Variants in SLC15A5 observed in about 807,000 individuals in gnomAD.
SLC15A5 encodes the protein solute carrier family 15 member 5.
Under a neutral mutation model 56.1 loss-of-function variants are expected in SLC15A5, and 58 were observed. That is an observed-to-expected ratio of 1.03 (90% CI 0.84 to 1.29). The LOEUF (loss-of-function observed/expected upper bound fraction) is 1.29, where lower values mean the gene tolerates loss of function less well. Among genes scored for constraint, SLC15A5 ranks in the 50% most tolerant of loss-of-function variants. SLC15A5 has a pLI of 0.00. For missense variants in SLC15A5, 681 were observed against 672.1 expected (o/e 1.01, Z -0.15); for synonymous variants, 264 against 250.5 (o/e 1.05, Z -0.51).
At chr12:16,222,982 G>A (rs1289099394) in intron 6 of SLC15A5, among the ~76,000 whole-genome samples, 1 of 151,968 alleles carries the variant, frequency 6.6e-6, no homozygotes, top group Non-Finnish European at 1.5e-5. Flanking sequence ...ATCTCATAAA[G>A]TAATTTATGT....
rs1864718500 is a variant in SLC15A5, at chr12:16,268,599, TTCTC to T, written c.584+3958_584+3961del. Among the ~76,000 whole-genome samples, 7 of 152,354 alleles carry T rather than the reference TTCTC, an allele frequency of 4.6e-5. No individual in the cohort carries two copies. The South Asian group carries it at 1.5e-3, about 32-fold the overall frequency. On this transcript the variant is annotated intron_variant, in intron 2 of 8. Transcript: ENST00000344941. Reference sequence around the variant, plus strand: ...AGAGTATATGTAGATTTATATTTTTTTCTCTCTCTTTTCAGAATTATGTTGAATT... The same window carrying T: ...AGAGTATATGTAGATTTATATTTTTTTCTCTTTTCAGAATTATGTTGAATT...
chr12:16,217,394 A>G (rs1864140907), intron 6 of SLC15A5, among the ~76,000 whole-genome samples: 1 of 152,130 alleles, frequency 6.6e-6, no homozygotes, highest in Non-Finnish European at 1.5e-5. Flanking sequence ...GATTCTGTGT[A>G]ATTCATTAAG....
At chr12:16,224,684 A>G in intron 5 of SLC15A5, 82 bp from the exon 6 acceptor site, 1 of 1,283,310 alleles carries the variant, frequency 7.8e-7, no homozygotes, top group Non-Finnish European at 1.0e-6. Flanking sequence ...TTTCTTACCC[A>G]TTGACATTAG....
chr12:16,253,651 C>G (rs973686766), intron 3 of SLC15A5, among the ~76,000 whole-genome samples: 2 of 151,876 alleles, frequency 1.3e-5, no homozygotes, highest in Admixed American at 1.3e-4. Context: ...TGGGAAAATC[C>G]TTTGAGCTCA....
rs59004314 is a variant in SLC15A5 at position 16,277,129 on chromosome 12, AAC to A, written c.361+194_361+195del. 1.9e-3 allele frequency among the ~76,000 whole-genome samples: 291 copies of A among 150,252 alleles called. 1 individual carries two copies. Among genetic ancestry groups the A allele is most frequent in the African/African-American group, 6.6e-3 (273 of 41,072 alleles). Reference sequence around the variant, plus strand: ...ATGATATAGGCACAAAACATTCTCTAACACACACACACACACACACAGACTTA... The same window carrying A: ...ATGATATAGGCACAAAACATTCTCTAACACACACACACACACACAGACTTA... On this transcript the variant is annotated intron_variant, in intron 1 of 8. Transcript: ENST00000344941.
At chr12:16,218,554 C>G (rs1393519042) in intron 6 of SLC15A5, among the ~76,000 whole-genome samples, 1 of 152,154 alleles carries the variant, frequency 6.6e-6, no homozygotes, top group South Asian at 2.1e-4. Context: ...GCCCATCACT[C>G]CTAGGCAACG....
At chr12:16,276,235 G>A (rs1353292482) in intron 1 of SLC15A5, among the ~76,000 whole-genome samples, 1 of 151,910 alleles carries the variant, frequency 6.6e-6, no homozygotes, top group Non-Finnish European at 1.5e-5. Context: ...AAACTCCAAT[G>A]GATTCTCTGA....
chr12:16,193,707 G>C (rs1339998306), intron 8 of SLC15A5, among the ~76,000 whole-genome samples: 1 of 150,766 alleles, frequency 6.6e-6, no homozygotes, highest in Non-Finnish European at 1.5e-5. Context: ...TATTTTACAT[G>C]TGTAAAAACA....
intron 6 of SLC15A5, among the ~76,000 whole-genome samples, chr12:16,219,222 A>G (rs1327806345): frequency 6.6e-6 from 1 of 152,180 alleles, no homozygotes; most frequent in Non-Finnish European, 1.5e-5. Context: ...TAATGGTGAT[A>G]GGTAAAATAC....
At chr12:16,225,216 G>A (rs1220319640) in intron 5 of SLC15A5, among the ~76,000 whole-genome samples, 1 of 152,194 alleles carries the variant, frequency 6.6e-6, no homozygotes, top group Non-Finnish European at 1.5e-5. Context: ...ATAGCAGCAT[G>A]ATTTATATTC....
intron 2 of SLC15A5, among the ~76,000 whole-genome samples, chr12:16,260,928 CT>C (rs1864637454): frequency 6.6e-6 from 1 of 152,048 alleles, no homozygotes; most frequent in East Asian, 1.9e-4. Context: ...TCTTTTGACA[CT>C]TTTGTTGAAA....
chr12:16,263,817 A>T (rs527440472), intron 2 of SLC15A5, among the ~76,000 whole-genome samples: 1 of 152,142 alleles, frequency 6.6e-6, no homozygotes, highest in Non-Finnish European at 1.5e-5. Context: ...GGCAGCTTCC[A>T]TGTGTTGTTG....
chr12:16,244,350 T>G (rs1271424894), intron 4 of SLC15A5, among the ~76,000 whole-genome samples: 1 of 152,166 alleles, frequency 6.6e-6, no homozygotes, highest in African/African-American at 2.4e-5. Context: ...CTGACAGACA[T>G]TTATAGCTCC....
chr12:16,261,742 A>G (rs61916968), intron 2 of SLC15A5, among the ~76,000 whole-genome samples: 4,192 of 152,282 alleles, frequency 0.028, 79 homozygotes, highest in Admixed American at 0.04. Context: ...AACTTGGTAT[A>G]CTACATGTGT....
At chr12:16,253,869 A>C (rs1353241200) in intron 3 of SLC15A5, among the ~76,000 whole-genome samples, 1 of 152,112 alleles carries the variant, frequency 6.6e-6, no homozygotes, top group African/African-American at 2.4e-5. Context: ...GAAAGCAGTA[A>C]AAAGAGTTCT....
chr12:16,257,741 A>G lies in SLC15A5; in HGVS notation c.714T>C (p.Leu238=). 1 of 1,523,496 alleles carries G rather than the reference A, an allele frequency of 6.6e-7. No individual in the cohort carries two copies. The highest frequency in any genetic ancestry group is 8.8e-7 in the Non-Finnish European group (1 of 1,142,558). 94.4% of individuals were successfully genotyped at this position (1,523,496 alleles called of 1,614,324 possible). A position where few individuals can be genotyped will look rare whatever the true frequency, so the allele number is the denominator to read the frequency against. ...FMSMLMAVIT[L]HMIYYNLIYQ... Reference sequence around the variant, plus strand: ...AAATTAGGTTGTAGTATATCATATGAAGAGTTATCACAGCCATAAGCATAG... The same window carrying G: ...AAATTAGGTTGTAGTATATCATATGGAGAGTTATCACAGCCATAAGCATAG... Residue 238 remains leucine, a synonymous_variant, in exon 3 of 9, where the codon CTT becomes CTC. Coordinates refer to ENST00000344941, the MANE Select transcript of SLC15A5 (RefSeq NM_001170798.1).
At chr12:16,260,884 C>T (rs1864637189) in intron 2 of SLC15A5, among the ~76,000 whole-genome samples, 1 of 151,760 alleles carries the variant, frequency 6.6e-6, no homozygotes, top group African/African-American at 2.4e-5. Flanking sequence ...TATTACAATA[C>T]CATTTATTGA....
intron 2 of SLC15A5, among the ~76,000 whole-genome samples, chr12:16,262,818 G>T (rs1864656108): frequency 6.6e-6 from 1 of 152,096 alleles, no homozygotes; most frequent in African/African-American, 2.4e-5. Flanking sequence ...TTAAAAATGG[G>T]AGTTTCTCTG....
intron 7 of SLC15A5, among the ~76,000 whole-genome samples, chr12:16,206,996 A>G (rs921009741): frequency 5.3e-5 from 8 of 152,196 alleles, no homozygotes; most frequent in Admixed American, 5.2e-4. Context: ...TATCATGGAA[A>G]TGAGTTTTAG....
Sources: allele counts gnomAD v4.1 joint callset (sites outside exome capture counted in the v4.1 genomes callset), GRCh38; gene constraint gnomAD v4.1.1; transcripts MANE v1.5; gene names NCBI Gene and HGNC (gene_info 2026-07-23, HGNC 2026-07-21).